Variants in MAGEA4 observed in about 807,000 individuals in gnomAD.
MAGEA4 encodes the protein melanoma-associated antigen 4.
In MAGEA4, 1 loss-of-function variant was observed where a neutral mutation model predicts 13.7. That is an observed-to-expected ratio of 0.07 (90% CI 0.03 to 0.35). The LOEUF (loss-of-function observed/expected upper bound fraction) is 0.35, where lower values mean the gene tolerates loss of function less well. Ranked by LOEUF, MAGEA4 falls within the 10% of genes least tolerant of loss-of-function variation. The pLI is 0.99. For synonymous variants in MAGEA4, 132 were observed against 101.1 expected, an observed-to-expected ratio of 1.31 and a Z score of -1.83; for missense variants, 312 against 245.1, an observed-to-expected ratio of 1.27 and a Z score of -1.82.
chrX:151,913,432 G>C (rs7891084), intron 1 of MAGEA4: 4 of 627,366 alleles, frequency 6.4e-6, no homozygotes, highest in Non-Finnish European at 7.4e-6. Context: ...ACGCTGAATC[G>C]GGTTGCGCTC....
chrX:151,919,554 C>G, intron 1 of MAGEA4: 1 of 544,280 alleles, frequency 1.8e-6, no homozygotes, highest in Non-Finnish European at 2.2e-6. Context: ...CCACCCCCAT[C>G]CACGCTGAAT....
intron 1 of MAGEA4, chrX:151,919,813 A>C: frequency 4.2e-6 from 3 of 715,727 alleles, no homozygotes; most frequent in Non-Finnish European, 5.0e-6. Flanking sequence ...GCCCTGGGCC[A>C]CTCGTGGGGG....
chrX:151,920,095 A>C (rs1320662890), intron 1 of MAGEA4, among the ~76,000 whole-genome samples: 3 of 50,741 alleles, frequency 5.9e-5, no homozygotes, highest in Admixed American at 2.4e-4. Flanking sequence ...CTCATCCCCC[A>C]CCCCAACACC....
intron 1 of MAGEA4, chrX:151,913,373 C>G (rs1423002117): frequency 8.3e-6 from 1 of 121,116 alleles, no homozygotes; most frequent in African/African-American, 3.5e-5. Flanking sequence ...CATCTCCCAC[C>G]CCCAAAAACC....
At chrX:151,919,081 G>T (rs1283979680) in intron 1 of MAGEA4, 1 of 741,141 alleles carries the variant, frequency 1.3e-6, no homozygotes, top group East Asian at 1.6e-4. Context: ...ACCCCAGATA[G>T]ACGACCCCAA....
At position 151,924,584 on chromosome X, in the gene MAGEA4, A is replaced by C. The variant is rs1933624372; in HGVS notation, c.920A>C (p.Glu307Ala). Residue 307 changes from glutamate (E) to alanine (A), a missense_variant, in exon 3 of 3, where the codon GAA becomes GCA. Glu to Ala is a moderately radical substitution (Grantham distance 107). Coordinates refer to ENST00000276344, the MANE Select transcript of MAGEA4 (RefSeq NM_001011548.1). ...CGCATTGCCTACCCATCCCTGCGTG[A>C]AGCAGCTTTGTTAGAGGAGGAAGAG... ...RVRIAYPSLR[E>A]AALLEEEEGV 1 of 1,194,747 alleles carries C rather than the reference A, an allele frequency of 8.4e-7. No individual in the cohort carries two copies. The highest frequency in any genetic ancestry group is 1.1e-6 in the Non-Finnish European group (1 of 886,805).
At chrX:151,912,478 A>G (rs1932953027), upstream of MAGEA4, 1 of 355,046 alleles carries the variant, frequency 2.8e-6, no homozygotes, top group Non-Finnish European at 5.4e-6. Context: ...TGACTTGCGC[A>G]TTGGTCTGAC....
intron 1 of MAGEA4, among the ~76,000 whole-genome samples, chrX:151,920,440 G>A (rs1431099064): frequency 6.3e-5 from 7 of 110,962 alleles, no homozygotes; most frequent in Admixed American, 9.5e-5. Flanking sequence ...GAAGCCGCAG[G>A]GGACTATGGA....
intron 1 of MAGEA4, among the ~76,000 whole-genome samples, 173 bp downstream of exon 1, chrX:151,913,142 C>A (rs1480020597): frequency 1.8e-5 from 2 of 109,555 alleles, no homozygotes; most frequent in Non-Finnish European, 3.8e-5. Context: ...GAAGTCAGAG[C>A]TTGGGGTGAT....
At chrX:151,922,473 G>A (rs1678796575) in intron 1 of MAGEA4, among the ~76,000 whole-genome samples, 1 of 111,091 alleles carries the variant, frequency 9.0e-6, no homozygotes, top group Admixed American at 9.5e-5. Flanking sequence ...GTCAGCCCTG[G>A]GCACCCCACA....
Position 151,924,368 on chromosome X carries a change from G to C in MAGEA4, c.704G>C (p.Arg235Thr), listed in dbSNP as rs572691118. The C allele has an allele frequency of 4.1e-6, 5 of 1,210,777 alleles. No homozygotes were observed. Among genetic ancestry groups the C allele is most frequent in the Non-Finnish European group, 5.6e-6 (5 of 894,927 alleles). ...GGTGTGATGGGGGTGTATGATGGGA[G>C]GGAGCACACTGTCTATGGGGAGCCC... ...ELGVMGVYDG[R>T]EHTVYGEPRK... The change falls in exon 3 of 3, where the codon AGG (arginine) becomes ACG (threonine). Residue 235 changes from arginine (R) to threonine (T), a missense_variant. Arg to Thr is a moderately conservative substitution (Grantham distance 71). Coordinates refer to ENST00000276344, the MANE Select transcript of MAGEA4 (RefSeq NM_001011548.1).
upstream of MAGEA4, chrX:151,912,742 A>ACCCTCAT (rs1932960720): frequency 1.5e-5 from 1 of 65,184 alleles, no homozygotes; most frequent in African/African-American, 2.8e-4. Flanking sequence ...CAACCCCCGC[A>ACCCTCAT]CCCTCATCCC....
At chrX:151,918,848 A>G in intron 1 of MAGEA4, 3 of 131,189 alleles carry the variant, frequency 2.3e-5, no homozygotes, top group Non-Finnish European at 2.1e-5. Flanking sequence ...CCCTCCACCG[A>G]CCTCACCCTT....
chrX:151,919,221 G>A (rs1933267345), intron 1 of MAGEA4, among the ~76,000 whole-genome samples: 1 of 105,781 alleles, frequency 9.5e-6, no homozygotes, highest in African/African-American at 3.5e-5. Context: ...GGTGGTTAGT[G>A]TAAGACTAGT....
At chrX:151,922,724 G>A (rs747348151) in intron 1 of MAGEA4, among the ~76,000 whole-genome samples, 4 of 111,644 alleles carry the variant, frequency 3.6e-5, no homozygotes, top group Non-Finnish European at 7.5e-5. Flanking sequence ...TGTCACCCCA[G>A]AGAGCATGGG....
At chrX:151,922,894 C>A (rs780269338) in intron 1 of MAGEA4, among the ~76,000 whole-genome samples, 1 of 112,450 alleles carries the variant, frequency 8.9e-6, no homozygotes, top group South Asian at 3.7e-4. Context: ...ATCCAGGACA[C>A]ATGGGTTCCA....
In MAGEA4 at chrX:151,923,500, C is replaced by T. The variant is rs764802119; in HGVS notation, c.-90C>T. The T allele has an allele frequency of 1.0e-5, 12 of 1,200,838 alleles. No homozygotes were observed. Among genetic ancestry groups the T allele is most frequent in the Non-Finnish European group, 1.2e-5 (11 of 891,650 alleles). On this transcript the variant is annotated 5_prime_UTR_variant, in exon 2 of 3. Transcript: ENST00000276344. ...GGAGGACAGGATTCCCTGGAGGCCACAGAGGAGCACCAAGGAGAAGATCTG... is the reference window on the plus strand; with the variant it reads ...GGAGGACAGGATTCCCTGGAGGCCATAGAGGAGCACCAAGGAGAAGATCTG...
chrX:151,923,354 C>G lies in MAGEA4; in HGVS notation c.-137-99C>G. 3 of 604,159 alleles carry G rather than the reference C, an allele frequency of 5.0e-6. No homozygotes were observed. The South Asian group carries it at 7.3e-5, about 15-fold the overall frequency. The allele number at this position is 604,159 out of a possible 1,213,427, so 49.8% of individuals were successfully genotyped here. On this transcript the variant is annotated intron_variant, in intron 1 of 2. Coordinates refer to ENST00000276344, the MANE Select transcript of MAGEA4 (RefSeq NM_001011548.1). Reference sequence around the variant, plus strand: ...CCCACCTGCCACAAGACACATAGGACTCCAAAGAGTCTGGCCTCACCTCCC... The same window carrying G: ...CCCACCTGCCACAAGACACATAGGAGTCCAAAGAGTCTGGCCTCACCTCCC...
chrX:151,913,255 C>T (rs1932981118), intron 1 of MAGEA4, among the ~76,000 whole-genome samples: 1 of 109,941 alleles, frequency 9.1e-6, no homozygotes, highest in South Asian at 3.9e-4. Context: ...CAACCCCATT[C>T]CCATCCCCTA....
Sources: gnomAD v4.1 joint callset for allele counts (sites outside exome capture counted in the v4.1 genomes callset) on GRCh38, gnomAD v4.1.1 for gene constraint, MANE v1.5 for transcripts, NCBI Gene and HGNC (gene_info 2026-07-23, HGNC 2026-07-21) for gene names.